The following ZSWIM6 variants were observed in gnomAD, a reference collection of about 807,000 sequenced individuals.
The protein encoded by ZSWIM6 is zinc finger SWIM-type containing 6.
ZSWIM6 carries 9 observed loss-of-function variants against 113.2 expected under a neutral mutation model. The observed-to-expected ratio is 0.08, with a 90% CI of 0.05 to 0.14. The LOEUF (loss-of-function observed/expected upper bound fraction) is 0.14. ZSWIM6 is among the 10% of genes least tolerant of loss of function. The pLI, the probability that ZSWIM6 is intolerant of heterozygous loss-of-function variation, is 1.00. For missense variants in ZSWIM6, 1,162 were observed against 1,552.2 expected (o/e 0.75, Z 4.22); for synonymous variants, 611 against 606.5 (o/e 1.01, Z -0.11).
chr5:61,506,688 C>T (rs1202995520), intron 4 of ZSWIM6, among the ~76,000 whole-genome samples: 3 of 152,008 alleles, frequency 2.0e-5, no homozygotes, highest in Non-Finnish European at 1.5e-5. Flanking sequence ...TGATTTGACC[C>T]AAGAAATTTT....
intron 4 of ZSWIM6, among the ~76,000 whole-genome samples, chr5:61,515,907 A>AT (rs1233412726): frequency 6.6e-6 from 1 of 152,000 alleles, no homozygotes; most frequent in Non-Finnish European, 1.5e-5. Flanking sequence ...TCTTTATGTA[A>AT]TGCCCCTCTT....
chr5:61,489,843 C>T (rs917474867), intron 2 of ZSWIM6, among the ~76,000 whole-genome samples: 5 of 151,980 alleles, frequency 3.3e-5, no homozygotes, highest in African/African-American at 1.2e-4. Flanking sequence ...CCTTCCTCTA[C>T]TAGGGACTAG....
intron 4 of ZSWIM6, among the ~76,000 whole-genome samples, chr5:61,500,772 G>T (rs1424810944): frequency 2.6e-5 from 4 of 152,150 alleles, no homozygotes; most frequent in Non-Finnish European, 1.5e-5. Flanking sequence ...GTAGTATGGG[G>T]TACTACTGTA....
chr5:61,353,984 C>T (rs1026637808), intron 1 of ZSWIM6, among the ~76,000 whole-genome samples: 4 of 152,140 alleles, frequency 2.6e-5, no homozygotes, highest in Non-Finnish European at 4.4e-5. Context: ...CTCTTACTAC[C>T]GAATTATAGC....
chr5:61,456,084 A>G (rs1163096490), intron 1 of ZSWIM6, among the ~76,000 whole-genome samples: 1 of 152,124 alleles, frequency 6.6e-6, no homozygotes, highest in African/African-American at 2.4e-5. Flanking sequence ...TCTTCCCTTA[A>G]GGTATCAATC....
At chr5:61,405,415 T>A (rs1391357848) in intron 1 of ZSWIM6, among the ~76,000 whole-genome samples, 1 of 152,230 alleles carries the variant, frequency 6.6e-6, no homozygotes, top group Non-Finnish European at 1.5e-5. Context: ...TATATTTTGA[T>A]GACATTTCTC....
At chr5:61,471,735 A>G (rs1475823432) in intron 1 of ZSWIM6, among the ~76,000 whole-genome samples, 1 of 152,228 alleles carries the variant, frequency 6.6e-6, no homozygotes, top group East Asian at 1.9e-4. Flanking sequence ...GAGGTGGAAC[A>G]GTAGAACAGT....
Position 61,494,325 on chromosome 5 carries a change from A to G in ZSWIM6, c.1248A>G (p.Gln416=), listed in dbSNP as rs1267397962. Residue 416 remains glutamine, a synonymous_variant, in exon 4 of 14, where the codon CAA becomes CAG. Coordinates refer to ENST00000252744, the MANE Select transcript of ZSWIM6 (RefSeq NM_020928.2). Reference sequence around the variant, plus strand: ...GCATGTTGACCTTGATAACAGAGCAATTCATGGCTGACCCTCGCCTGTCAC... The same window carrying G: ...GCATGTTGACCTTGATAACAGAGCAGTTCATGGCTGACCCTCGCCTGTCAC... The part of the protein sequence containing the change: ...GARMLTLITE[Q]FMADPRLSLW... 2.1e-5 allele frequency: 32 copies of G among 1,551,190 alleles called. No individual in the cohort carries two copies. The highest frequency in any genetic ancestry group is 2.6e-5 in the Non-Finnish European group (30 of 1,146,620).
chr5:61,429,570 A>G (rs1746535630), intron 1 of ZSWIM6, among the ~76,000 whole-genome samples: 1 of 152,206 alleles, frequency 6.6e-6, no homozygotes, highest in Non-Finnish European at 1.5e-5. Context: ...GTTAGAGTGC[A>G]ATATGAGTGG....
chr5:61,391,583 G>A (rs1745715225), intron 1 of ZSWIM6: 5 of 913,342 alleles, frequency 5.5e-6, no homozygotes, highest in South Asian at 1.3e-5. Context: ...TGGAGGCCTC[G>A]AGGGGTTTCC....
intron 13 of ZSWIM6, 27 bp downstream of exon 13, chr5:61,541,992 T>C: frequency 1.3e-6 from 2 of 1,535,196 alleles, no homozygotes; most frequent in Non-Finnish European, 1.8e-6. Flanking sequence ...ACAGAAGCTT[T>C]CCTAGGTGCC....
chr5:61,466,985 A>G (rs982364797), intron 1 of ZSWIM6, among the ~76,000 whole-genome samples: 13 of 152,234 alleles, frequency 8.5e-5, no homozygotes, highest in African/African-American at 2.4e-4. Context: ...ATATGTGTTC[A>G]TGTGTGAGGA....
chr5:61,453,380 T>C (rs866694307), intron 1 of ZSWIM6, among the ~76,000 whole-genome samples: 10 of 147,250 alleles, frequency 6.8e-5, no homozygotes, highest in Non-Finnish European at 1.2e-4. Flanking sequence ...CTCTCTCTCT[T>C]TTTTTTTTTT....
chr5:61,462,874 C>A (rs1747348286), intron 1 of ZSWIM6, among the ~76,000 whole-genome samples: 1 of 152,178 alleles, frequency 6.6e-6, no homozygotes, highest in South Asian at 2.1e-4. Flanking sequence ...GAAGACCGAT[C>A]TTGTTTTAAA....
chr5:61,337,167 C>T (rs980670813), intron 1 of ZSWIM6, among the ~76,000 whole-genome samples: 27 of 151,914 alleles, frequency 1.8e-4, no homozygotes, highest in African/African-American at 6.0e-4. Flanking sequence ...GTAATCCCGC[C>T]GCTCGGGAGG....
At chr5:61,345,791 A>G (rs1744645720) in intron 1 of ZSWIM6, among the ~76,000 whole-genome samples, 1 of 152,028 alleles carries the variant, frequency 6.6e-6, no homozygotes, top group Non-Finnish European at 1.5e-5. Flanking sequence ...AATCAAACTG[A>G]TTTTCTTCAC....
chr5:61,535,089 A>G (rs16892307), intron 9 of ZSWIM6, among the ~76,000 whole-genome samples: 4,065 of 152,240 alleles, frequency 0.027, 169 homozygotes, highest in South Asian at 0.18. Flanking sequence ...GGTAGTTTCC[A>G]TAGTTAAGCT....
At chr5:61,431,758 C>CA (rs1322390594) in intron 1 of ZSWIM6, among the ~76,000 whole-genome samples, 4 of 151,782 alleles carry the variant, frequency 2.6e-5, no homozygotes, top group African/African-American at 4.8e-5. Context: ...AAAAACAAAA[C>CA]AAAAAAACAA....
intron 2 of ZSWIM6, among the ~76,000 whole-genome samples, chr5:61,483,832 G>A (rs1315585890): frequency 5.3e-5 from 8 of 151,222 alleles, no homozygotes; most frequent in African/African-American, 1.5e-4. Flanking sequence ...AGCCGAGATC[G>A]CACCACTGCA....
Sources: gnomAD v4.1 joint callset for allele counts (sites outside exome capture counted in the v4.1 genomes callset) on GRCh38, gnomAD v4.1.1 for gene constraint, MANE v1.5 for transcripts, NCBI Gene and HGNC (gene_info 2026-07-23, HGNC 2026-07-21) for gene names.